N4BP2L2: variants seen among roughly 807,000 people sequenced by gnomAD.
The protein encoded by N4BP2L2 is NEDD4-binding protein 2-like 2.
Under a neutral mutation model 56.2 loss-of-function variants are expected in N4BP2L2, and 50 were observed. The observed-to-expected ratio is 0.89, with a 90% CI of 0.71 to 1.13. The LOEUF is 1.13. Among genes scored for constraint, N4BP2L2 ranks in the 50% most tolerant of loss-of-function variants. The pLI is 0.00. For synonymous variants in N4BP2L2, 203 were observed against 223.6 expected (o/e 0.91, Z 0.82); for missense variants, 689 against 693.8 (o/e 0.99, Z 0.08).
At chr13:32,496,204 T>A (rs966464235) in intron 6 of N4BP2L2, among the ~76,000 whole-genome samples, 5 of 134,242 alleles carry the variant, frequency 3.7e-5, no homozygotes, top group South Asian at 4.3e-4. Flanking sequence ...ACCTATTTTT[T>A]ATTTTTTTTT....
exon 5 of N4BP2L2, chr13:32,521,449 C>T: frequency 6.3e-7 from 1 of 1,597,242 alleles, no homozygotes; most frequent in Non-Finnish European, 8.5e-7. Flanking sequence ...TTTCCTATGG[C>T]CTACACAAAG....
intron 6 of N4BP2L2, among the ~76,000 whole-genome samples, chr13:32,448,071 A>T (rs559029690): frequency 6.2e-4 from 94 of 152,344 alleles, no homozygotes; most frequent in African/African-American, 2.0e-3. Flanking sequence ...TGCCAGAGAC[A>T]TGTACCAGTT....
chr13:32,494,660 G>A (rs2088087242), intron 6 of N4BP2L2, among the ~76,000 whole-genome samples: 1 of 151,992 alleles, frequency 6.6e-6, no homozygotes, highest in Non-Finnish European at 1.5e-5. Flanking sequence ...CAGCTACTCG[G>A]GAAGCTGAGG....
At position 32,490,705 on chromosome 13, in the gene N4BP2L2, C is replaced by A. The variant is rs115493806; in HGVS notation, c.365+27152G>T. ...ATGAAACTGTTCCACCTCAGATGAT[C>A]AGGCATTAGTTAGATTCCCATAAGG... On this transcript the variant is annotated intron_variant, in intron 6 of 9. Transcript: ENST00000357505. Among the ~76,000 whole-genome samples the A allele has an allele frequency of 6.2e-3, 947 of 152,298 alleles. 7 individuals are homozygous for A. Among genetic ancestry groups the A allele is most frequent in the African/African-American group, 0.022 (905 of 41,552 alleles).
chr13:32,531,238 CT>C (rs1475441102), intron 2 of N4BP2L2, among the ~76,000 whole-genome samples: 13 of 152,146 alleles, frequency 8.5e-5, no homozygotes, highest in Non-Finnish European at 1.9e-4. Context: ...CCTACAGAAA[CT>C]ACGAGGCAAT....
intron 6 of N4BP2L2, among the ~76,000 whole-genome samples, chr13:32,488,511 T>C (rs1263046267): frequency 6.6e-6 from 1 of 152,176 alleles, no homozygotes; most frequent in Non-Finnish European, 1.5e-5. Flanking sequence ...ATGTACTCAA[T>C]CTGCACATGT....
chr13:32,433,946 A>AAAAAG lies in N4BP2L2; in HGVS notation c.*22-979_*22-975dup, dbSNP rs1566003388. 1.5e-4 allele frequency among the ~76,000 whole-genome samples: 23 copies of AAAAAG among 150,568 alleles called. 1 individual carries two copies. The South Asian group carries it at 3.3e-3, about 22-fold the overall frequency. ...GACCGTGTCTCAAAAAAAAAAAAAA[A>AAAAAG]AAAAGAAAAGAAAAGAAAAAAAGAA... On this transcript the variant is annotated intron_variant, in intron 9 of 9. Transcript: ENST00000357505.
chr13:32,529,057 C>G (rs1008072269), intron 2 of N4BP2L2, among the ~76,000 whole-genome samples: 2 of 152,154 alleles, frequency 1.3e-5, no homozygotes, highest in Admixed American at 1.3e-4. Flanking sequence ...AGTTGTTATA[C>G]TGTATTGTTT....
chr13:32,443,052 C>G (rs1291720202), exon 7 of N4BP2L2: 1 of 1,607,192 alleles, frequency 6.2e-7, no homozygotes, highest in East Asian at 2.2e-5. Context: ...AATTTGGTAC[C>G]AAATTGAAAA....
chr13:32,499,656 C>T lies in N4BP2L2; in HGVS notation c.365+18201G>A, dbSNP rs562536106. Among the ~76,000 whole-genome samples, 3 of 152,254 alleles carry T rather than the reference C, an allele frequency of 2.0e-5. No individual in the cohort carries two copies. The South Asian group carries it at 6.2e-4, about 32-fold the overall frequency. The stretch of plus-strand genomic sequence containing the variant: ...CATGGACTCCAATCTCTGCTCTATA[C>T]CTTGGCTAAGCACACACAACCTGGG... On this transcript the variant is annotated intron_variant, in intron 6 of 9. Transcript: ENST00000357505.
At chr13:32,452,812 A>C (rs2078315455) in intron 6 of N4BP2L2, among the ~76,000 whole-genome samples, 1 of 152,224 alleles carries the variant, frequency 6.6e-6, no homozygotes, top group South Asian at 2.1e-4. Flanking sequence ...AAATATTAAA[A>C]ACGTTTCTTT....
At chr13:32,517,844 A>C (rs1258195383) in exon 6 of N4BP2L2, 1 of 1,613,822 alleles carries the variant, frequency 6.2e-7, no homozygotes, top group Non-Finnish European at 8.5e-7. Context: ...GTGAGCCAAG[A>C]GAGCCTCCCC....
exon 1 of N4BP2L2, chr13:32,538,774 T>A: frequency 2.0e-6 from 2 of 985,278 alleles, no homozygotes; most frequent in Non-Finnish European, 2.4e-6. Flanking sequence ...GTAACAAACC[T>A]CACCTCCGTA....
At chr13:32,436,449 T>C (rs1249845028) in intron 8 of N4BP2L2, 2 of 958,148 alleles carry the variant, frequency 2.1e-6, no homozygotes, top group Non-Finnish European at 3.1e-6. Flanking sequence ...ATATTTGGCA[T>C]TGGAGTTAAG....
At chr13:32,511,668 A>T (rs1462591462) in exon 6 of N4BP2L2, 1 of 152,176 alleles carries the variant, frequency 6.6e-6, no homozygotes, top group Admixed American at 6.5e-5. Flanking sequence ...AGTTCAGTAG[A>T]ATACAGGAGG....
At chr13:32,469,463 C>G (rs925490745) in intron 6 of N4BP2L2, among the ~76,000 whole-genome samples, 1 of 152,080 alleles carries the variant, frequency 6.6e-6, no homozygotes, top group African/African-American at 2.4e-5. Context: ...CATGCCCAGT[C>G]CCTGTGGGAT....
intron 6 of N4BP2L2, chr13:32,478,172 G>T: frequency 3.0e-6 from 2 of 665,474 alleles, no homozygotes; most frequent in Non-Finnish European, 4.3e-6. Context: ...AACTTGGGCA[G>T]GTAAAACATC....
At position 32,495,653 on chromosome 13, in the gene N4BP2L2, G is replaced by C. The variant is rs112388069; in HGVS notation, c.365+22204C>G. 7.0e-3 allele frequency among the ~76,000 whole-genome samples: 1,058 copies of C among 152,138 alleles called. 17 individuals carry two copies. Among genetic ancestry groups the C allele is most frequent in the African/African-American group, 0.024 (998 of 41,500 alleles). ...GCCTGGTACCCAGCAGGAGACACCA[G>C]TGGCAGTGGCACCTCATCAGGCAAA... On this transcript the variant is annotated intron_variant, in intron 6 of 9. Coordinates refer to the N4BP2L2 transcript ENST00000357505.
intron 6 of N4BP2L2, among the ~76,000 whole-genome samples, chr13:32,502,237 ATTTTTTT>A (rs2090146492): frequency 6.6e-6 from 1 of 151,652 alleles, no homozygotes; most frequent in Admixed American, 6.6e-5. Context: ...CTAATTTTTT[ATTTTTTT>A]ATTTGTATTT....
Sources: gnomAD v4.1 joint callset for allele counts (sites outside exome capture counted in the v4.1 genomes callset) on GRCh38, gnomAD v4.1.1 for gene constraint, MANE v1.5 for transcripts, NCBI Gene and HGNC (gene_info 2026-07-23, HGNC 2026-07-21) for gene names.